TNRC18: variants seen among roughly 807,000 people sequenced by gnomAD.
TNRC18 encodes trinucleotide repeat-containing gene 18 protein.
A neutral mutation model predicts 226.7 loss-of-function variants in TNRC18; 69 were observed. The ratio of observed to expected loss-of-function variants is 0.30; its 90% CI spans 0.25 to 0.37. The LOEUF (loss-of-function observed/expected upper bound fraction) is 0.37, where lower values mean the gene tolerates loss of function less well. Among genes scored for constraint, TNRC18 ranks in the 10% least tolerant of loss-of-function variants. The probability of loss-of-function intolerance (pLI) is 1.00; values close to 1 mark genes in which losing one functional copy is unlikely to be tolerated. For synonymous variants in TNRC18, 2,449 were observed against 1,927.6 expected (o/e 1.27, Z -7.09); for missense variants, 4,754 against 4,256.6 (o/e 1.12, Z -3.25).
chr7:5,381,828 C>T (rs1225203636), intron 5 of TNRC18, among the ~76,000 whole-genome samples: 8 of 151,958 alleles, frequency 5.3e-5, no homozygotes, highest in East Asian at 1.9e-4. Flanking sequence ...TAGCTGGGCA[C>T]GGTGGCAGGT....
In TNRC18 at chr7:5,307,616, T is replaced by C; in HGVS notation, c.*490A>G. On this transcript the variant is annotated 3_prime_UTR_variant, in exon 30 of 30. Transcript: ENST00000430969. ...GCACAGTCAGGTAGGCCAGCTGGCA[T>C]CGGGCTGCCCTGTCCCATGCACGGT... 1 of 441,078 alleles carries C rather than the reference T, an allele frequency of 2.3e-6. No homozygotes were observed. Among genetic ancestry groups the C allele is most frequent in the Non-Finnish European group, 4.6e-6 (1 of 219,226 alleles). 27.3% of individuals were successfully genotyped at this position (441,078 alleles called of 1,614,324 possible).
chr7:5,415,666 C>A (rs1782138097), intron 2 of TNRC18, among the ~76,000 whole-genome samples: 1 of 151,216 alleles, frequency 6.6e-6, no homozygotes, highest in African/African-American at 2.4e-5. Context: ...CAGGCGTGAG[C>A]CACCGTGCCC....
At chr7:5,352,207 G>A in intron 16 of TNRC18, 113 bp from the exon 17 acceptor site, 2 of 1,141,798 alleles carry the variant, frequency 1.8e-6, no homozygotes, top group South Asian at 1.7e-5. Flanking sequence ...GAACAAACAG[G>A]TCCGAATACC....
At chr7:5,345,517 G>GGGGGGGGCGGCCCCCCCCCCCCCCC in intron 18 of TNRC18, 45 bp downstream of exon 18, 1 of 377,744 alleles carries the variant, frequency 2.6e-6, no homozygotes. Flanking sequence ...AATGGCGTCC[G>GGGGGGGGCGGCCCCCCCCCCCCCCC]CCCCTCCCAC....
rs1780015518 is a variant in TNRC18, at chr7:5,388,667, C to G, written c.1157G>C (p.Gly386Ala). 2.4e-6 allele frequency: 3 copies of G among 1,270,136 alleles called. No individual in the cohort carries two copies. Among genetic ancestry groups the G allele is most frequent in the African/African-American group, 3.2e-5 (2 of 62,592 alleles). The allele number at this position is 1,270,136 out of a possible 1,614,324, so 78.7% of individuals were successfully genotyped here. ...CGCCTGGGATGCGATCTGGATGGGCCCCGGGCGCTCGTCGAAGGCCTCCAC... is the reference window on the plus strand; with the variant it reads ...CGCCTGGGATGCGATCTGGATGGGCGCCGGGCGCTCGTCGAAGGCCTCCAC... ...PSVEAFDERP[G>A]PIQIASQARD... The change falls in exon 5 of 30, where the codon GGG becomes GCG. Residue 386 changes from glycine (G) to alanine (A), a missense_variant. By Grantham distance (60) the Gly-to-Ala change is moderately conservative (BLOSUM62 0). Transcript: ENST00000430969.
chr7:5,313,222 A>C lies in TNRC18; in HGVS notation c.7669T>G (p.Ser2557Ala). 6.5e-7 allele frequency: 1 copy of C among 1,547,056 alleles called. No individual in the cohort carries two copies. The highest frequency in any genetic ancestry group is 8.7e-7 in the Non-Finnish European group (1 of 1,146,446). The change falls in exon 27 of 30, where the codon TCC becomes GCC. Residue 2557 changes from serine to alanine, a missense_variant. Physicochemically the swap from Ser to Ala is moderately conservative, Grantham distance 99. Transcript: ENST00000430969. The stretch of plus-strand genomic sequence containing the variant: ...CTACTGCTGCTGCTGCTGCTCTCGG[A>C]CTCTTCGGCCCCGTCCTGCTCAGCC... The part of the protein sequence containing the change: ...AQAEQDGAEE[S>A]ESSSSSSSGS...
At chr7:5,409,782 G>C (rs11772953) in intron 2 of TNRC18, among the ~76,000 whole-genome samples, 36,876 of 143,866 alleles carry the variant, frequency 0.26, 5,091 homozygotes, top group South Asian at 0.3. Flanking sequence ...CGAGACCATC[G>C]TGGCTAACAT....
Position 5,369,493 on chromosome 7 carries a change from C to CA in TNRC18, c.4219+881dup, listed in dbSNP as rs1375934796. On this transcript the variant is annotated intron_variant, in intron 11 of 29. Coordinates refer to ENST00000430969, the MANE Select transcript of TNRC18 (RefSeq NM_001080495.3). ...GGCCCAGGGACCTGGGAGGAACTGA[C>CA]AGACCACCCCCCACCCCAGTGAGGA... Among the ~76,000 whole-genome samples, 12 of 152,310 alleles carry CA rather than the reference C, an allele frequency of 7.9e-5. No homozygotes were observed. In the East Asian group the frequency reaches 2.1e-3, roughly 27 times the overall value.
intron 2 of TNRC18, among the ~76,000 whole-genome samples, chr7:5,403,165 C>CT (rs567575917): frequency 0.14 from 20,473 of 145,126 alleles, 2,689 homozygotes; most frequent in African/African-American, 0.35. Flanking sequence ...TTTATCTTCA[C>CT]TTTTTTTTTT....
In TNRC18 at chr7:5,345,682, G is replaced by C. The variant is rs1468912125; in HGVS notation, c.5599C>G (p.Leu1867Val). Residue 1867 changes from leucine (L) to valine (V), a missense_variant, in exon 18 of 30, where the codon CTG becomes GTG. Leu to Val is a conservative substitution (Grantham distance 32). Transcript: ENST00000430969. ...GCGCTGGCGGCGAAGCGTGCCAGCA[G>C]GCCCAGCCCACTCTCCTCCAGGCCC... Reference protein sequence around the residue: ...SPGLEESGLGLLARFAASALP... With the variant: ...SPGLEESGLGVLARFAASALP... The C allele has an allele frequency of 6.5e-7, 1 of 1,550,160 alleles. No homozygotes were observed. The highest frequency in any genetic ancestry group is 1.2e-5 in the South Asian group (1 of 84,076).
In TNRC18 at chr7:5,374,195, T is replaced by TGGGGGGGGGGGGG; in HGVS notation, c.3088_3089insCCCCCCCCCCCCC (p.His1030ProfsTer88). The TGGGGGGGGGGGGG allele has an allele frequency of 9.8e-6, 1 of 102,538 alleles. No homozygotes were observed. Among genetic ancestry groups the TGGGGGGGGGGGGG allele is most frequent in the East Asian group, 7.9e-4 (1 of 1,258 alleles). The allele number at this position is 102,538 out of a possible 1,614,324, so 6.4% of individuals were successfully genotyped here. ...GGAGGCGGGCGGCGGGCTGGTGGGG[T>TGGGGGGGGGGGGG]GGGAGCTGGGGGTGGCGGGGTAGGC... On this transcript the variant is annotated frameshift_variant, in exon 10 of 30. Coordinates refer to ENST00000430969, the MANE Select transcript of TNRC18 (RefSeq NM_001080495.3). LOFTEE classifies it high-confidence loss of function.
At chr7:5,326,081 A>G (rs1195118078) in intron 19 of TNRC18, among the ~76,000 whole-genome samples, 1 of 152,068 alleles carries the variant, frequency 6.6e-6, no homozygotes, top group African/African-American at 2.4e-5. Flanking sequence ...CAAAAAAGAC[A>G]CCACTGAAGT....
Position 5,374,322 on chromosome 7 carries a change from T to G in TNRC18, c.2962A>C (p.Lys988Gln), listed in dbSNP as rs1329389584. The G allele has an allele frequency of 1.4e-6, 2 of 1,426,478 alleles. No homozygotes were observed. Among genetic ancestry groups the G allele is most frequent in the Non-Finnish European group, 1.8e-6 (2 of 1,097,776 alleles). The allele number at this position is 1,426,478 out of a possible 1,614,324, so 88.4% of individuals were successfully genotyped here. A position where few individuals can be genotyped will look rare whatever the true frequency, so the allele number is the denominator to read the frequency against. ...GGTGATGGTGGCGGGCTCACGGCCT[T>G]GCCGTAGGTGCCCGCGGGGCCGGCG... is the stretch of plus-strand genomic sequence containing the variant. ...LAAGPAGTYGKAVSPPPSPRA... is the reference protein window; with the variant it reads ...LAAGPAGTYGQAVSPPPSPRA... The change falls in exon 10 of 30, where the codon AAG (lysine) becomes CAG (glutamine). Residue 988 changes from lysine (K) to glutamine (Q), a missense_variant. Coordinates refer to ENST00000430969, the MANE Select transcript of TNRC18 (RefSeq NM_001080495.3).
intron 26 of TNRC18, 112 bp from the exon 27 acceptor site, chr7:5,313,975 T>C: frequency 1.7e-6 from 2 of 1,210,750 alleles, no homozygotes. Flanking sequence ...TTTTGTTTTT[T>C]TTTTGAGATG....
intron 2 of TNRC18, among the ~76,000 whole-genome samples, chr7:5,400,202 T>C (rs1367558790): frequency 3.9e-5 from 6 of 152,112 alleles, no homozygotes; most frequent in Admixed American, 3.9e-4. Context: ...TGGTCTATGA[T>C]TATTGTTATT....
chr7:5,372,877 G>A, intron 10 of TNRC18, among the ~76,000 whole-genome samples: 1 of 152,062 alleles, frequency 6.6e-6, no homozygotes, highest in African/African-American at 2.4e-5. Flanking sequence ...AAAATAAATT[G>A]GCCAGACATG....
chr7:5,352,462 C>T (rs1468946119), intron 16 of TNRC18, among the ~76,000 whole-genome samples: 1 of 152,174 alleles, frequency 6.6e-6, no homozygotes, highest in African/African-American at 2.4e-5. Flanking sequence ...CATGGGATTA[C>T]GATGGCCCAA....
At chr7:5,349,088 G>C (rs116458354) in intron 17 of TNRC18, among the ~76,000 whole-genome samples, 1 of 152,036 alleles carries the variant, frequency 6.6e-6, no homozygotes, top group Non-Finnish European at 1.5e-5. Context: ...CTGGGGCTGC[G>C]GGGGGAGGGC....
chr7:5,356,589 G>T lies in TNRC18; in HGVS notation c.5194+327C>A, dbSNP rs188739898. ...ACTCTATGACGCACAAGGCTTCCTC[G>T]CCTATGACATCCGGTAGGCAAATGG... On this transcript the variant is annotated intron_variant, in intron 16 of 29. Transcript: ENST00000430969. 5.3e-5 allele frequency among the ~76,000 whole-genome samples: 8 copies of T among 152,338 alleles called. No individual in the cohort carries two copies. In the East Asian group the frequency reaches 1.5e-3, roughly 29 times the overall value.
Sources: gnomAD v4.1 joint callset for allele counts (sites outside exome capture counted in the v4.1 genomes callset) on GRCh38, gnomAD v4.1.1 for gene constraint, MANE v1.5 for transcripts, NCBI Gene and HGNC (gene_info 2026-07-23, HGNC 2026-07-21) for gene names.